FHIT: variants seen among roughly 807,000 people sequenced by gnomAD.
The protein encoded by FHIT is bis(5'-adenosyl)-triphosphatase.
Under a neutral mutation model 17.9 loss-of-function variants are expected in FHIT, and 19 were observed. That is an observed-to-expected ratio of 1.06 (90% CI 0.74 to 1.56). The LOEUF (loss-of-function observed/expected upper bound fraction) is 1.56, where lower values mean the gene tolerates loss of function less well. FHIT is among the 40% of genes most tolerant of loss of function. FHIT has a pLI of 0.00. For synonymous variants in FHIT, 81 were observed against 69.7 expected (o/e 1.16, Z -0.81); for missense variants, 248 against 189.2 (o/e 1.31, Z -1.82).
chr3:61,206,927 T>C (rs76495385), intron 1 of FHIT, among the ~76,000 whole-genome samples: 65,948 of 151,846 alleles, frequency 0.43, 14,726 homozygotes, highest in East Asian at 0.58. Context: ...CTAGTTTTTG[T>C]CCATTCAGTA....
At chr3:59,824,324 A>G (rs967193259) in intron 8 of FHIT, among the ~76,000 whole-genome samples, 18 of 152,210 alleles carry the variant, frequency 1.2e-4, no homozygotes, top group African/African-American at 3.4e-4. Flanking sequence ...CTAGAAACTA[A>G]TTAGATGGTG....
intron 7 of FHIT, among the ~76,000 whole-genome samples, chr3:59,955,769 C>G (rs1356595733): frequency 1.3e-5 from 2 of 152,188 alleles, no homozygotes; most frequent in Non-Finnish European, 2.9e-5. Flanking sequence ...GCCATCAGGT[C>G]CTAAATTTCA....
intron 3 of FHIT, among the ~76,000 whole-genome samples, chr3:60,926,372 C>T (rs774126067): frequency 1.6e-4 from 25 of 152,186 alleles, no homozygotes; most frequent in Non-Finnish European, 3.7e-4. Context: ...GATCACAGTG[C>T]AATCAAACTA....
chr3:60,267,316 A>G (rs982653899), intron 5 of FHIT, among the ~76,000 whole-genome samples: 1 of 150,156 alleles, frequency 6.7e-6, no homozygotes, highest in Admixed American at 6.6e-5. Flanking sequence ...GAGGTCACAT[A>G]TACACACACA....
intron 5 of FHIT, among the ~76,000 whole-genome samples, chr3:60,415,790 T>C (rs1230512329): frequency 6.6e-6 from 1 of 150,556 alleles, no homozygotes; most frequent in Non-Finnish European, 1.5e-5. Context: ...GGTAAATGAT[T>C]TGATTTCTCT....
At chr3:60,651,524 A>C (rs1309849837) in intron 4 of FHIT, among the ~76,000 whole-genome samples, 1 of 150,098 alleles carries the variant, frequency 6.7e-6, no homozygotes, top group Non-Finnish European at 1.5e-5. Flanking sequence ...AAAGGAAAGC[A>C]TTTTGATAGA....
chr3:60,156,590 A>T lies in FHIT; in HGVS notation c.104-142438T>A, dbSNP rs572873433. Reference sequence around the variant, plus strand: ...ATAGTGAGATCTTGTCTCTATAAAAATTTTTTTTTAAATTAGCCGGCCATA... The same window carrying T: ...ATAGTGAGATCTTGTCTCTATAAAATTTTTTTTTTAAATTAGCCGGCCATA... On this transcript the variant is annotated intron_variant, in intron 5 of 9. Transcript: ENST00000492590. Among the ~76,000 whole-genome samples the T allele has an allele frequency of 5.2e-4, 78 of 150,982 alleles. 1 individual carries two copies. In the South Asian group the frequency reaches 0.011, roughly 22 times the overall value.
intron 4 of FHIT, among the ~76,000 whole-genome samples, chr3:60,648,204 T>G (rs1277500247): frequency 6.6e-6 from 1 of 152,162 alleles, no homozygotes; most frequent in African/African-American, 2.4e-5. Context: ...AACTGAAAAT[T>G]TATCAGGTAA....
intron 8 of FHIT, among the ~76,000 whole-genome samples, chr3:59,770,723 G>A (rs1702037245): frequency 6.6e-6 from 1 of 152,090 alleles, no homozygotes; most frequent in South Asian, 2.1e-4. Flanking sequence ...ATATACTCTG[G>A]TTACCACTAC....
At chr3:59,937,449 C>A (rs1706297350) in intron 7 of FHIT, among the ~76,000 whole-genome samples, 1 of 152,108 alleles carries the variant, frequency 6.6e-6, no homozygotes, top group Admixed American at 6.6e-5. Context: ...TGGGTTGGCA[C>A]AATTTATTTA....
At chr3:60,810,062 C>T (rs138140363) in intron 4 of FHIT, among the ~76,000 whole-genome samples, 1,650 of 152,308 alleles carry the variant, frequency 0.011, 19 homozygotes, top group African/African-American at 0.037. Flanking sequence ...AATGCAAACA[C>T]TGAAGCAGAG....
intron 4 of FHIT, among the ~76,000 whole-genome samples, chr3:60,570,331 T>C (rs1377225495): frequency 6.6e-6 from 1 of 152,176 alleles, no homozygotes; most frequent in Non-Finnish European, 1.5e-5. Context: ...AGAATTACAC[T>C]GCAACTTTTA....
At chr3:59,794,513 C>T (rs1699699309) in intron 8 of FHIT, among the ~76,000 whole-genome samples, 1 of 152,180 alleles carries the variant, frequency 6.6e-6, no homozygotes, top group African/African-American at 2.4e-5. Context: ...TAGCCACCAC[C>T]TGGCAAAACA....
At chr3:60,773,222 T>C (rs906793102) in intron 4 of FHIT, among the ~76,000 whole-genome samples, 3 of 152,300 alleles carry the variant, frequency 2.0e-5, no homozygotes, top group Admixed American at 6.5e-5. Flanking sequence ...AGGGTTACGA[T>C]CTGCACAATC....
At chr3:60,091,930 A>G (rs894038226) in intron 5 of FHIT, among the ~76,000 whole-genome samples, 39 of 152,144 alleles carry the variant, frequency 2.6e-4, no homozygotes, top group African/African-American at 9.4e-4. Context: ...CCAGTCTCAG[A>G]TATTTCTTTA....
chr3:60,610,822 G>A (rs376142627), intron 4 of FHIT, among the ~76,000 whole-genome samples: 3 of 152,232 alleles, frequency 2.0e-5, no homozygotes, highest in Admixed American at 6.5e-5. Context: ...CTCACCCTAC[G>A]CCAGTCTGGA....
intron 4 of FHIT, among the ~76,000 whole-genome samples, chr3:60,744,247 A>T (rs2042297592): frequency 2.5e-5 from 1 of 40,356 alleles, no homozygotes; most frequent in South Asian, 1.2e-3. Flanking sequence ...GAAGTAATGT[A>T]AAAAAAAAAA....
chr3:61,217,474 A>T (rs1474050082), intron 1 of FHIT, among the ~76,000 whole-genome samples: 2 of 152,214 alleles, frequency 1.3e-5, no homozygotes, highest in African/African-American at 4.8e-5. Context: ...TCCTCACAAC[A>T]TGGTGGCTGA....
At chr3:60,159,957 G>A (rs1263074283) in intron 5 of FHIT, among the ~76,000 whole-genome samples, 1 of 152,180 alleles carries the variant, frequency 6.6e-6, no homozygotes, top group African/African-American at 2.4e-5. Flanking sequence ...ACACTGCCTT[G>A]TTCCAAATAC....
Sources: allele counts gnomAD v4.1 joint callset (sites outside exome capture counted in the v4.1 genomes callset), GRCh38; gene constraint gnomAD v4.1.1; transcripts MANE v1.5; gene names NCBI Gene and HGNC (gene_info 2026-07-23, HGNC 2026-07-21).